PTPRM: variants seen among roughly 807,000 people sequenced by gnomAD.
PTPRM encodes the protein receptor-type tyrosine-protein phosphatase mu.
PTPRM carries 47 observed loss-of-function variants against 186.7 expected under a neutral mutation model. The observed-to-expected ratio is 0.25, with a 90% CI of 0.20 to 0.32. The LOEUF (loss-of-function observed/expected upper bound fraction) is 0.32. PTPRM is among the 10% of genes least tolerant of loss of function. The pLI is 1.00. For synonymous variants in PTPRM, 668 were observed against 674.9 expected (o/e 0.99, Z 0.16); for missense variants, 1,494 against 1,865.0 (o/e 0.80, Z 3.66).
At chr18:7,745,494 C>A (rs2040967570) in intron 1 of PTPRM, among the ~76,000 whole-genome samples, 1 of 152,182 alleles carries the variant, frequency 6.6e-6, no homozygotes, top group Non-Finnish European at 1.5e-5. Context: ...AAGTTTAGGG[C>A]CTGCCAAGGA....
At chr18:8,280,103 C>T (rs2094884575) in intron 19 of PTPRM, among the ~76,000 whole-genome samples, 1 of 152,078 alleles carries the variant, frequency 6.6e-6, no homozygotes, top group Non-Finnish European at 1.5e-5. Flanking sequence ...GGGTGGCTCA[C>T]ACAACAGAAG....
chr18:8,124,676 T>C lies in PTPRM; in HGVS notation c.2167+9849T>C, dbSNP rs76214887. ...CTGATGGGAACCAAAGGACCTGTATTTCAAACCGTTTCTCACTGTGGTAAA... is the reference window on the plus strand; with the variant it reads ...CTGATGGGAACCAAAGGACCTGTATCTCAAACCGTTTCTCACTGTGGTAAA... On this transcript the variant is annotated intron_variant, in intron 13 of 32. Transcript: ENST00000580170. 1.1e-3 allele frequency among the ~76,000 whole-genome samples: 170 copies of C among 152,304 alleles called. 1 individual carries two copies. Among genetic ancestry groups the C allele is most frequent in the Non-Finnish European group, 1.4e-3 (93 of 68,020 alleles).
At chr18:8,358,054 T>C (rs558954579) in intron 23 of PTPRM, among the ~76,000 whole-genome samples, 1 of 152,228 alleles carries the variant, frequency 6.6e-6, no homozygotes, top group Non-Finnish European at 1.5e-5. Context: ...CTGTAAACTT[T>C]ATTCTGATAG....
At chr18:7,844,120 G>A (rs1012293405) in intron 2 of PTPRM, among the ~76,000 whole-genome samples, 2 of 152,168 alleles carry the variant, frequency 1.3e-5, no homozygotes, top group Non-Finnish European at 2.9e-5. Flanking sequence ...ACCCCACCAA[G>A]TTCATGTGAA....
intron 14 of PTPRM, among the ~76,000 whole-genome samples, chr18:8,229,813 G>A (rs1359844847): frequency 6.6e-5 from 10 of 152,128 alleles, no homozygotes; most frequent in Admixed American, 5.9e-4. Context: ...TCAACATGAA[G>A]TACACATGGT....
chr18:8,146,692 A>G (rs889745464), intron 14 of PTPRM, among the ~76,000 whole-genome samples: 4 of 152,106 alleles, frequency 2.6e-5, no homozygotes, highest in African/African-American at 9.7e-5. Flanking sequence ...ATTTGTTGCC[A>G]TTGCTTTTGG....
chr18:8,021,874 T>A (rs796911281), intron 7 of PTPRM, among the ~76,000 whole-genome samples: 4 of 152,278 alleles, frequency 2.6e-5, no homozygotes, highest in African/African-American at 9.6e-5. Context: ...TGAGCCACCA[T>A]GCCTGGCCTA....
In PTPRM at chr18:7,873,740, CACTTTATATA is replaced by C. The variant is rs143434845; in HGVS notation, c.197-14344_197-14335del. 3.8e-3 allele frequency among the ~76,000 whole-genome samples: 573 copies of C among 152,260 alleles called. 6 individuals are homozygous for C. In the East Asian group the frequency reaches 0.051, roughly 14 times the overall value. ...CTTCTTTTCTTTGAAGTAACAGGGCCACTTTATATAACTTTATATAACTTTATATAAACCA... is the reference window on the plus strand; with the variant it reads ...CTTCTTTTCTTTGAAGTAACAGGGCCACTTTATATAACTTTATATAAACCA... On this transcript the variant is annotated intron_variant, in intron 2 of 32. Transcript: ENST00000580170.
chr18:7,779,603 C>T (rs1014619622), intron 2 of PTPRM, among the ~76,000 whole-genome samples: 1 of 152,170 alleles, frequency 6.6e-6, no homozygotes, highest in African/African-American at 2.4e-5. Context: ...TTTCCTTGTG[C>T]TAAGGAAGAC....
chr18:8,212,990 C>A (rs1305936162), intron 14 of PTPRM, among the ~76,000 whole-genome samples: 1 of 152,112 alleles, frequency 6.6e-6, no homozygotes, highest in Non-Finnish European at 1.5e-5. Flanking sequence ...AGAAGACCAG[C>A]CTGAAAATAG....
At chr18:8,184,434 C>G (rs1462387376) in intron 14 of PTPRM, among the ~76,000 whole-genome samples, 1 of 151,972 alleles carries the variant, frequency 6.6e-6, no homozygotes, top group Non-Finnish European at 1.5e-5. Flanking sequence ...TCTTGGATAC[C>G]CTGTCCTCTG....
intron 1 of PTPRM, among the ~76,000 whole-genome samples, chr18:7,596,382 T>C (rs8093669): frequency 0.16 from 23,772 of 152,172 alleles, 3,170 homozygotes; most frequent in African/African-American, 0.37. Context: ...TTTCCATTTA[T>C]GTCACAATGC....
At chr18:8,204,857 A>G (rs1018922307) in intron 14 of PTPRM, among the ~76,000 whole-genome samples, 1 of 152,106 alleles carries the variant, frequency 6.6e-6, no homozygotes, top group Admixed American at 6.5e-5. Flanking sequence ...TTTTCTCTCT[A>G]GTATGTCAGG....
chr18:7,693,134 T>G (rs1396226687), intron 1 of PTPRM, among the ~76,000 whole-genome samples: 1 of 152,220 alleles, frequency 6.6e-6, no homozygotes, highest in Non-Finnish European at 1.5e-5. Flanking sequence ...CGAGTTGGAC[T>G]GCAGACCAGC....
intron 19 of PTPRM, among the ~76,000 whole-genome samples, chr18:8,261,929 G>A (rs2094635906): frequency 1.3e-5 from 2 of 152,108 alleles, no homozygotes; most frequent in African/African-American, 4.8e-5. Context: ...GATGCCATTA[G>A]CCACAAGTGC....
intron 14 of PTPRM, among the ~76,000 whole-genome samples, chr18:8,216,716 A>G (rs2094091272): frequency 1.3e-5 from 2 of 152,156 alleles, no homozygotes; most frequent in Non-Finnish European, 2.9e-5. Flanking sequence ...TATTATTTCC[A>G]TGGGGCATGC....
At chr18:8,172,058 C>G (rs932021831) in intron 14 of PTPRM, among the ~76,000 whole-genome samples, 1 of 152,166 alleles carries the variant, frequency 6.6e-6, no homozygotes, top group Non-Finnish European at 1.5e-5. Context: ...AATCATAAGT[C>G]AGGGACCGTC....
chr18:7,770,883 G>A (rs1210764406), intron 1 of PTPRM, among the ~76,000 whole-genome samples: 5 of 152,178 alleles, frequency 3.3e-5, no homozygotes, highest in African/African-American at 1.2e-4. Context: ...CTGAAAATTG[G>A]TGTGCAGGGA....
chr18:7,716,214 G>A (rs1017044206), intron 1 of PTPRM, among the ~76,000 whole-genome samples: 1 of 152,128 alleles, frequency 6.6e-6, no homozygotes, highest in African/African-American at 2.4e-5. Flanking sequence ...CCACACGTCT[G>A]CAACCATCTG....
Sources: gnomAD v4.1 joint callset for allele counts (sites outside exome capture counted in the v4.1 genomes callset) on GRCh38, gnomAD v4.1.1 for gene constraint, MANE v1.5 for transcripts, NCBI Gene and HGNC (gene_info 2026-07-23, HGNC 2026-07-21) for gene names.